PRR16: variants seen among roughly 807,000 people sequenced by gnomAD.
PRR16 encodes proline rich 16.
PRR16 carries 6 observed loss-of-function variants against 18.2 expected under a neutral mutation model. That is an observed-to-expected ratio of 0.33 (90% confidence interval 0.18 to 0.65). The LOEUF (loss-of-function observed/expected upper bound fraction) is 0.65, where lower values mean the gene tolerates loss of function less well. Among genes scored for constraint, PRR16 ranks in the 30% least tolerant of loss-of-function variants. The pLI, the probability that PRR16 is intolerant of heterozygous loss-of-function variation, is 0.74. For missense variants in PRR16, 412 were observed against 376.6 expected (o/e 1.09, Z -0.78); for synonymous variants, 151 against 147.8 (o/e 1.02, Z -0.16).
chr5:120,637,013 C>G (rs1755250287), intron 1 of PRR16, among the ~76,000 whole-genome samples: 1 of 151,774 alleles, frequency 6.6e-6, no homozygotes, highest in Non-Finnish European at 1.5e-5. Flanking sequence ...ATACAAATGG[C>G]CAACAAGCAT....
At chr5:120,672,518 A>G (rs1241721029) in intron 1 of PRR16, among the ~76,000 whole-genome samples, 1 of 133,602 alleles carries the variant, frequency 7.5e-6, no homozygotes, top group Non-Finnish European at 1.6e-5. Context: ...AAGGCTTTTA[A>G]TAATTTATGT....
intron 1 of PRR16, among the ~76,000 whole-genome samples, chr5:120,666,426 T>C (rs1265534521): frequency 1.3e-5 from 2 of 151,704 alleles, no homozygotes; most frequent in African/African-American, 4.8e-5. Context: ...TGACTTCCTC[T>C]TTTCCTAATT....
chr5:120,559,075 T>C (rs1205941687), intron 1 of PRR16, among the ~76,000 whole-genome samples: 1 of 152,052 alleles, frequency 6.6e-6, no homozygotes, highest in Non-Finnish European at 1.5e-5. Flanking sequence ...GCAAATATTT[T>C]CTCCCCTTCT....
At chr5:120,599,196 A>G (rs962948220) in intron 1 of PRR16, among the ~76,000 whole-genome samples, 4 of 151,446 alleles carry the variant, frequency 2.6e-5, no homozygotes, top group Non-Finnish European at 4.4e-5. Context: ...TTCCTATTGT[A>G]ATTTGGAAGC....
At chr5:120,583,957 C>T (rs1264558709) in intron 1 of PRR16, among the ~76,000 whole-genome samples, 3 of 152,160 alleles carry the variant, frequency 2.0e-5, no homozygotes, top group African/African-American at 7.2e-5. Context: ...TGTTATGGGT[C>T]AAGCACTGTG....
At chr5:120,664,876 T>C (rs1382446282) in intron 1 of PRR16, among the ~76,000 whole-genome samples, 1 of 151,384 alleles carries the variant, frequency 6.6e-6, no homozygotes, top group Non-Finnish European at 1.5e-5. Flanking sequence ...TTTGGGTTGG[T>C]TCCAAGTCTT....
the PRR16 span, among the ~76,000 whole-genome samples, chr5:120,694,869 T>C: frequency 1.3e-5 from 2 of 152,176 alleles, no homozygotes; most frequent in African/African-American, 4.8e-5. Context: ...CTAAAAATAT[T>C]CATACAAGAA....
At chr5:120,517,051 A>AT (rs1195977147) in intron 1 of PRR16, among the ~76,000 whole-genome samples, 1 of 152,098 alleles carries the variant, frequency 6.6e-6, no homozygotes, top group Non-Finnish European at 1.5e-5. Context: ...CTGCTTTGGG[A>AT]TTTCCCTGAG....
chr5:120,727,576 A>AT, the PRR16 span, among the ~76,000 whole-genome samples: 4 of 152,104 alleles, frequency 2.6e-5, no homozygotes, highest in African/African-American at 4.8e-5. Flanking sequence ...ACTTGGAAAA[A>AT]TTTCTTTATC....
intron 1 of PRR16, among the ~76,000 whole-genome samples, chr5:120,590,705 A>G (rs796544845): frequency 1.5e-3 from 225 of 152,210 alleles, no homozygotes; most frequent in African/African-American, 5.3e-3. Context: ...TCCAGCTTCT[A>G]TAATTATAAA....
intron 1 of PRR16, among the ~76,000 whole-genome samples, chr5:120,570,438 A>T (rs925995719): frequency 6.6e-5 from 10 of 152,166 alleles, no homozygotes; most frequent in African/African-American, 1.9e-4. Context: ...GTTGGGCCAG[A>T]TGTATAATGT....
chr5:120,473,988 A>T (rs1749354545), intron 1 of PRR16, among the ~76,000 whole-genome samples: 4 of 152,160 alleles, frequency 2.6e-5, no homozygotes, highest in Admixed American at 2.6e-4. Context: ...AATCTAGGGG[A>T]GCATTTTCCC....
At chr5:120,465,919 A>G (rs1227996477) in intron 1 of PRR16, among the ~76,000 whole-genome samples, 2 of 152,168 alleles carry the variant, frequency 1.3e-5, no homozygotes, top group Non-Finnish European at 2.9e-5. Flanking sequence ...CCAAATTTCA[A>G]GAGCCCCCTC....
the PRR16 span, among the ~76,000 whole-genome samples, chr5:120,702,910 G>A: frequency 6.6e-6 from 1 of 152,146 alleles, no homozygotes; most frequent in South Asian, 2.1e-4. Flanking sequence ...AGGAGGACAG[G>A]GGATTGATCT....
At chr5:120,527,674 A>G (rs1206360677) in intron 1 of PRR16, among the ~76,000 whole-genome samples, 2 of 152,242 alleles carry the variant, frequency 1.3e-5, no homozygotes, top group Non-Finnish European at 2.9e-5. Context: ...AGGTTCTTGG[A>G]TCTACAACTG....
chr5:120,464,689 C>A lies in PRR16; in HGVS notation c.159+44C>A, dbSNP rs1172973598. The A allele has an allele frequency of 2.7e-6, 4 of 1,477,388 alleles. No individual in the cohort carries two copies. In the African/African-American group the frequency reaches 5.6e-5, roughly 21 times the overall value. 91.5% of individuals were successfully genotyped at this position (1,477,388 alleles called of 1,614,324 possible). On this transcript the variant is annotated intron_variant, in intron 1 of 1. Coordinates refer to ENST00000407149, the MANE Select transcript of PRR16 (RefSeq NM_001300783.2). The stretch of plus-strand genomic sequence containing the variant: ...GGGAGGGAGTTCGGCACCCTTCGAC[C>A]CCTCCGGGGTCCCCTTTCCGATTTT...
the PRR16 span, among the ~76,000 whole-genome samples, chr5:120,721,231 C>T: frequency 6.6e-6 from 1 of 151,950 alleles, no homozygotes; most frequent in Admixed American, 6.6e-5. Context: ...GTGAACAAAA[C>T]AGAGATTCCT....
chr5:120,488,814 C>T (rs1490918333), intron 1 of PRR16, among the ~76,000 whole-genome samples: 2 of 152,080 alleles, frequency 1.3e-5, no homozygotes, highest in African/African-American at 4.8e-5. Flanking sequence ...CTACACACTG[C>T]TTTGAATGTG....
chr5:120,553,175 G>A (rs1032546285), intron 1 of PRR16, among the ~76,000 whole-genome samples: 12 of 151,796 alleles, frequency 7.9e-5, no homozygotes, highest in African/African-American at 2.9e-4. Flanking sequence ...AGAGTATATT[G>A]TAGATTCCCT....
Sources: gnomAD v4.1 joint callset for allele counts (sites outside exome capture counted in the v4.1 genomes callset) on GRCh38, gnomAD v4.1.1 for gene constraint, MANE v1.5 for transcripts, NCBI Gene and HGNC (gene_info 2026-07-23, HGNC 2026-07-21) for gene names.